Variants in MACF1 observed in about 807,000 individuals in gnomAD.
MACF1 encodes the protein microtubule actin crosslinking factor 1, also known as microtubule-actin cross-linking factor 1.
In MACF1, 193 loss-of-function variants were observed where a neutral mutation model predicts 854.8. That is an observed-to-expected ratio of 0.23 (90% CI 0.20 to 0.25). MACF1 has a LOEUF of 0.25. MACF1 is among the 10% of genes least tolerant of loss of function. The pLI is 1.00. For missense variants in MACF1, 7,722 were observed against 8,929.1 expected (o/e 0.86, Z 5.45); for synonymous variants, 3,185 against 3,226.7 (o/e 0.99, Z 0.44).
chr1:39,295,992 AT>A lies in MACF1; in HGVS notation c.2355+113del, dbSNP rs1645892150. 4.4e-6 allele frequency: 4 copies of A among 907,950 alleles called. No individual in the cohort carries two copies. In the Admixed American group the frequency reaches 7.9e-5, roughly 18 times the overall value. 56.2% of individuals were successfully genotyped at this position (907,950 alleles called of 1,614,324 possible). A position where few individuals can be genotyped will look rare whatever the true frequency, so the allele number is the denominator to read the frequency against. On this transcript the variant is annotated intron_variant, in intron 20 of 100. Transcript: ENST00000564288. ...TTGTTGTATAAACCACCACCTTAAAATTTAGTTGCTTAAAACAATAGTCATT... is the reference window on the plus strand; with the variant it reads ...TTGTTGTATAAACCACCACCTTAAAATTAGTTGCTTAAAACAATAGTCATT...
chr1:39,312,535 T>C (rs370356675), intron 26 of MACF1, among the ~76,000 whole-genome samples: 2 of 152,108 alleles, frequency 1.3e-5, no homozygotes, highest in East Asian at 1.9e-4. Flanking sequence ...GAAATTAACA[T>C]TGATACGGGT....
In MACF1 at chr1:39,104,124, C is replaced by T. The variant is rs1010697175; in HGVS notation, c.220+19686C>T. Among the ~76,000 whole-genome samples the T allele has an allele frequency of 6.6e-5, 10 of 152,274 alleles. No individual in the cohort carries two copies. The Middle Eastern group carries it at 0.014, about 207-fold the overall frequency. ...TGCTAATGTGCCCTTATTGTGAGAT[C>T]AGCCAGTGTAACTTCTTACCCACAA... On this transcript the variant is annotated intron_variant, in intron 2 of 93. Coordinates refer to the MACF1 transcript ENST00000361689.
chr1:39,105,643 G>T lies in MACF1; in HGVS notation c.220+21205G>T, dbSNP rs1397377885. 10 of 1,235,222 alleles carry T rather than the reference G, an allele frequency of 8.1e-6. No homozygotes were observed. In the Admixed American group the frequency reaches 2.7e-4, roughly 33 times the overall value. The allele number at this position is 1,235,222 out of a possible 1,614,324, so 76.5% of individuals were successfully genotyped here. ...GCGGCCATGGCCGGCTACGTGCCGG[G>T]TCAGCAGCCGGCCAACCGCAGCCAG... On this transcript the variant is annotated intron_variant, in intron 2 of 93. Transcript: ENST00000361689. The surrounding 1 kb of genome is among the most constrained non-coding windows in gnomAD (Gnocchi z 5.9).
At chr1:39,383,091 A>T (rs188368187) in intron 56 of MACF1, among the ~76,000 whole-genome samples, 246 of 152,350 alleles carry the variant, frequency 1.6e-3, no homozygotes, top group Admixed American at 2.7e-3. Flanking sequence ...ACTGCACTCC[A>T]GCCTGGGCAA....
intron 47 of MACF1, among the ~76,000 whole-genome samples, chr1:39,360,028 TATATATATATATATATATATATATAC>T (rs1239738609): frequency 1.7e-3 from 79 of 47,682 alleles, no homozygotes; most frequent in Admixed American, 4.4e-3. Flanking sequence ...TATATATATA[TATATATATATATATATATATATATAC>T]ACACACACAC....
At chr1:39,146,658 T>C (rs1643471304) in intron 2 of MACF1, among the ~76,000 whole-genome samples, 1 of 151,246 alleles carries the variant, frequency 6.6e-6, no homozygotes, top group Admixed American at 6.6e-5. Flanking sequence ...ATAATTGAAC[T>C]CATGAGGATA....
chr1:39,131,525 T>C (rs1643005793), intron 2 of MACF1, among the ~76,000 whole-genome samples: 1 of 152,060 alleles, frequency 6.6e-6, no homozygotes, highest in Non-Finnish European at 1.5e-5. Context: ...TTATTTGCCT[T>C]TTTTTCCCTC....
chr1:39,118,871 CT>C (rs1326614524), intron 2 of MACF1, among the ~76,000 whole-genome samples: 4 of 152,132 alleles, frequency 2.6e-5, no homozygotes, highest in African/African-American at 7.2e-5. Context: ...CTCCAGCATC[CT>C]TTTGTCTCCT....
intron 1 of MACF1, among the ~76,000 whole-genome samples, chr1:39,229,408 A>G (rs1443617838): frequency 6.6e-6 from 1 of 152,250 alleles, no homozygotes; most frequent in Admixed American, 6.5e-5. Context: ...ACAAGCATTG[A>G]CATTGTTTGG....
intron 29 of MACF1, among the ~76,000 whole-genome samples, chr1:39,317,962 T>TA (rs1261526644): frequency 1.3e-5 from 2 of 152,216 alleles, no homozygotes; most frequent in African/African-American, 4.8e-5. Context: ...ATTGAAGTCT[T>TA]ATCACAAAGC....
intron 71 of MACF1, 53 bp downstream of exon 71, chr1:39,438,061 G>GAAGATAACCACAGCC: frequency 6.6e-7 from 1 of 1,515,470 alleles, no homozygotes; most frequent in Non-Finnish European, 9.0e-7. Flanking sequence ...ATTCTAGGCT[G>GAAGATAACCACAGCC]TGGTTATCTT....
chr1:39,317,944 T>A (rs891136773), intron 29 of MACF1, among the ~76,000 whole-genome samples: 1 of 152,226 alleles, frequency 6.6e-6, no homozygotes, highest in Non-Finnish European at 1.5e-5. Context: ...TCATAAGTTT[T>A]CATTCTAATT....
At chr1:39,184,561 A>G (rs979579188) in intron 2 of MACF1, among the ~76,000 whole-genome samples, 4 of 152,152 alleles carry the variant, frequency 2.6e-5, no homozygotes, top group South Asian at 2.1e-4. Context: ...GGGCCCTCCA[A>G]TGGTGTTGTA....
intron 44 of MACF1, among the ~76,000 whole-genome samples, chr1:39,353,848 A>G (rs1647298649): frequency 6.6e-6 from 1 of 151,988 alleles, no homozygotes; most frequent in East Asian, 1.9e-4. Context: ...TATTTCTTTC[A>G]AAGTCAGCTA....
At chr1:39,362,084 A>G (rs1187561977) in intron 49 of MACF1, among the ~76,000 whole-genome samples, 1 of 152,228 alleles carries the variant, frequency 6.6e-6, no homozygotes, top group Admixed American at 6.5e-5. Flanking sequence ...GAGGAAATGT[A>G]ATCTCACCAC....
At position 39,443,431 on chromosome 1, in the gene MACF1, T is replaced by C; in HGVS notation, c.19303-15T>C. The C allele has an allele frequency of 6.2e-7, 1 of 1,600,588 alleles. No homozygotes were observed. The highest frequency in any genetic ancestry group is 1.1e-5 in the South Asian group (1 of 88,636). Reference sequence around the variant, plus strand: ...AATGACTACTGACATGGTTGATATATCTTTTTCTCAAAAGGCCCAGGGCTT... The same window carrying C: ...AATGACTACTGACATGGTTGATATACCTTTTTCTCAAAAGGCCCAGGGCTT... On this transcript the variant is annotated splice_polypyrimidine_tract_variant and intron_variant, in intron 78 of 100. Coordinates refer to ENST00000564288, the MANE Select transcript of MACF1 (RefSeq NM_001394062.1).
intron 52 of MACF1, among the ~76,000 whole-genome samples, chr1:39,375,400 C>T (rs1355453114): frequency 6.6e-6 from 1 of 151,842 alleles, no homozygotes; most frequent in African/African-American, 2.4e-5. Context: ...CTCCCAGGTT[C>T]ATGCCATTCT....
chr1:39,279,146 T>C lies in MACF1; in HGVS notation c.529-3062T>C, dbSNP rs549708352. On this transcript the variant is annotated intron_variant, in intron 6 of 100. Transcript: ENST00000564288. ...GGCTTATTAGCTGGCATCATCAAAGTAGAATAGTCTGATTTCTTCTGTAGA... is the reference window on the plus strand; with the variant it reads ...GGCTTATTAGCTGGCATCATCAAAGCAGAATAGTCTGATTTCTTCTGTAGA... Among the ~76,000 whole-genome samples, 85 of 152,290 alleles carry C rather than the reference T, an allele frequency of 5.6e-4. 1 individual carries two copies. In the Middle Eastern group the frequency reaches 0.034, roughly 61 times the overall value.
intron 2 of MACF1, among the ~76,000 whole-genome samples, chr1:39,163,356 A>AG (rs1468330773): frequency 3.7e-4 from 55 of 150,650 alleles, no homozygotes; most frequent in African/African-American, 8.2e-4. Flanking sequence ...AAAAAAAAAA[A>AG]AAAAGAAAAG....
Sources: gnomAD v4.1 joint callset for allele counts (sites outside exome capture counted in the v4.1 genomes callset) on GRCh38, gnomAD v4.1.1 for gene constraint, Gnocchi (gnomAD v3.1) non-coding constraint, MANE v1.5 for transcripts, NCBI Gene and HGNC (gene_info 2026-07-23, HGNC 2026-07-21) for gene names.